The following MMS19 variants were observed in gnomAD, a reference collection of about 807,000 sequenced individuals.
MMS19 encodes the protein MMS19 nucleotide excision repair protein homolog.
A neutral mutation model predicts 129.8 loss-of-function variants in MMS19; 77 were observed. The ratio of observed to expected loss-of-function variants is 0.59; its 90% CI spans 0.49 to 0.72. The LOEUF is 0.72. Among genes scored for constraint, MMS19 ranks in the 30% least tolerant of loss-of-function variants. The pLI is 0.00. For missense variants in MMS19, 1,168 were observed against 1,266.3 expected (o/e 0.92, Z 1.18); for synonymous variants, 491 against 502.8 (o/e 0.98, Z 0.31).
chr10:97,464,131 T>C (rs1363679983), intron 18 of MMS19, 118 bp from the exon 19 acceptor site: 3 of 887,402 alleles, frequency 3.4e-6, no homozygotes, highest in Non-Finnish European at 5.1e-6. Context: ...GAGTGCCTTA[T>C]TAAAAAGCTG....
intron 1 of MMS19, among the ~76,000 whole-genome samples, chr10:97,488,037 C>T (rs531061667): frequency 1.2e-4 from 18 of 152,044 alleles, no homozygotes; most frequent in East Asian, 7.7e-4. Context: ...TGCAGTGAGC[C>T]GAGATCGTGC....
chr10:97,497,192 T>C (rs1172061612), intron 1 of MMS19, among the ~76,000 whole-genome samples: 3 of 152,216 alleles, frequency 2.0e-5, no homozygotes, highest in Non-Finnish European at 4.4e-5. Context: ...AAGTTCCTGG[T>C]GGGCACAGAT....
intron 18 of MMS19, 109 bp downstream of exon 18, chr10:97,465,696 A>C (rs1303689664): frequency 8.8e-7 from 1 of 1,141,180 alleles, no homozygotes; most frequent in Non-Finnish European, 1.2e-6. Context: ...TTTTCTTTTA[A>C]AAGAGTTGAT....
chr10:97,489,030 G>A lies in MMS19; in HGVS notation c.113-4879C>T, dbSNP rs29001268. Among the ~76,000 whole-genome samples, 37 of 152,064 alleles carry A rather than the reference G, an allele frequency of 2.4e-4. 2 individuals carry two copies. The East Asian group carries it at 7.1e-3, about 29-fold the overall frequency. ...TGGATTGTATTTTTAGTAGAGATGG[G>A]GCTTTTGCCATGTTGCCTATGGCTG... On this transcript the variant is annotated intron_variant, in intron 1 of 30. Transcript: ENST00000438925.
At position 97,484,165 on chromosome 10, in the gene MMS19, A is replaced by G. The variant is rs1434839697; in HGVS notation, c.113-14T>C. Reference sequence around the variant, plus strand: ...CAGATTTCACATCTGCAGGAAATAAAATAAATAAATATGAAAAATAAAAAA... The same window carrying G: ...CAGATTTCACATCTGCAGGAAATAAGATAAATAAATATGAAAAATAAAAAA... On this transcript the variant is annotated splice_polypyrimidine_tract_variant and intron_variant, in intron 1 of 30. Coordinates refer to ENST00000438925, the MANE Select transcript of MMS19 (RefSeq NM_022362.5). The G allele has an allele frequency of 1.4e-6, 2 of 1,463,714 alleles. No individual in the cohort carries two copies. Among genetic ancestry groups the G allele is most frequent in the Non-Finnish European group, 1.8e-6 (2 of 1,089,262 alleles). 90.7% of individuals were successfully genotyped at this position (1,463,714 alleles called of 1,614,324 possible).
intron 22 of MMS19, 68 bp downstream of exon 22, chr10:97,461,760 G>T: frequency 6.4e-7 from 1 of 1,558,586 alleles, no homozygotes; most frequent in Non-Finnish European, 8.7e-7. Flanking sequence ...CTTAGCCTGT[G>T]GCAAATTTCA....
At chr10:97,469,488 A>G (rs1021044060) in intron 11 of MMS19, among the ~76,000 whole-genome samples, 158 bp downstream of exon 11, 1 of 152,226 alleles carries the variant, frequency 6.6e-6, no homozygotes, top group African/African-American at 2.4e-5. Flanking sequence ...CTCTCTTGTC[A>G]TTCAACTAGA....
intron 6 of MMS19, 136 bp downstream of exon 6, chr10:97,477,211 C>A: frequency 6.6e-7 from 1 of 1,520,912 alleles, no homozygotes; most frequent in Non-Finnish European, 8.8e-7. Context: ...AGGGAGCAGA[C>A]CCCCTCTTTC....
chr10:97,460,591 A>G, intron 25 of MMS19, 104 bp downstream of exon 25: 1 of 1,019,502 alleles, frequency 9.8e-7, no homozygotes, highest in South Asian at 1.4e-5. Flanking sequence ...AAAAGAAAAG[A>G]AAACAAAAAA....
chr10:97,469,841 A>T (rs1472055705), intron 10 of MMS19, 118 bp from the exon 11 acceptor site: 1 of 809,106 alleles, frequency 1.2e-6, no homozygotes, highest in Non-Finnish European at 2.0e-6. Flanking sequence ...ACCAGTTAAG[A>T]TTTTTAACAG....
chr10:97,475,650 T>G (rs1411677626), intron 8 of MMS19, among the ~76,000 whole-genome samples: 1 of 152,084 alleles, frequency 6.6e-6, no homozygotes, highest in South Asian at 2.1e-4. Context: ...AGGCAGAGAA[T>G]TGCTTGAACC....
intron 8 of MMS19, among the ~76,000 whole-genome samples, chr10:97,473,467 T>C (rs1426934124): frequency 6.6e-6 from 1 of 151,768 alleles, no homozygotes; most frequent in Non-Finnish European, 1.5e-5. Flanking sequence ...CTAAAGGAAG[T>C]ACACCATCAA....
intron 26 of MMS19, 79 bp downstream of exon 26, chr10:97,459,967 G>A: frequency 6.9e-7 from 1 of 1,445,648 alleles, no homozygotes; most frequent in Non-Finnish European, 9.6e-7. Context: ...GAAGCAAGCG[G>A]GCCCTAAATT....
At chr10:97,480,232 A>G (rs936789286) in intron 3 of MMS19, 4 of 464,536 alleles carry the variant, frequency 8.6e-6, no homozygotes, top group African/African-American at 8.0e-5. Context: ...CAGCTTCTGG[A>G]TATATTACCT....
At chr10:97,483,481 T>C (rs2037263642) in intron 2 of MMS19, among the ~76,000 whole-genome samples, 1 of 152,180 alleles carries the variant, frequency 6.6e-6, no homozygotes, top group African/African-American at 2.4e-5. Flanking sequence ...GTTTTCTAGT[T>C]TTCTGTTTTA....
chr10:97,463,478 C>T (rs953130203), intron 19 of MMS19, among the ~76,000 whole-genome samples: 1 of 152,220 alleles, frequency 6.6e-6, no homozygotes, highest in African/African-American at 2.4e-5. Context: ...TCTTTATCTC[C>T]ATCTTACAAG....
intron 2 of MMS19, 107 bp from the exon 3 acceptor site, chr10:97,481,149 C>A (rs1272982004): frequency 4.0e-6 from 3 of 752,748 alleles, no homozygotes; most frequent in African/African-American, 3.6e-5. Context: ...GGAAGCAGAG[C>A]CAAGCCCTGT....
intron 1 of MMS19, among the ~76,000 whole-genome samples, chr10:97,484,929 C>T (rs1192070310): frequency 6.6e-6 from 1 of 152,060 alleles, no homozygotes; most frequent in East Asian, 1.9e-4. Flanking sequence ...AAGGCATGTG[C>T]CACTACCCCT....
intron 18 of MMS19, among the ~76,000 whole-genome samples, chr10:97,465,540 A>G (rs1205931270): frequency 6.6e-6 from 1 of 151,950 alleles, no homozygotes; most frequent in African/African-American, 2.4e-5. Context: ...CCTGACCTCA[A>G]GTGATCTGCT....
Sources: allele counts gnomAD v4.1 joint callset (sites outside exome capture counted in the v4.1 genomes callset), GRCh38; gene constraint gnomAD v4.1.1; transcripts MANE v1.5; gene names NCBI Gene and HGNC (gene_info 2026-07-23, HGNC 2026-07-21).